Variants in CYP7B1 observed in about 807,000 individuals in gnomAD.
The protein encoded by CYP7B1 is cytochrome P450 family 7 subfamily B member 1.
Under a neutral mutation model 42.7 loss-of-function variants are expected in CYP7B1, and 29 were observed. That is an observed-to-expected ratio of 0.68 (90% CI 0.51 to 0.93). The LOEUF (loss-of-function observed/expected upper bound fraction) is 0.93, where lower values mean the gene tolerates loss of function less well. CYP7B1 is among the 40% of genes least tolerant of loss of function. The pLI is 0.00. For missense variants in CYP7B1, 655 were observed against 600.5 expected (o/e 1.09, Z -0.95); for synonymous variants, 235 against 218.2 (o/e 1.08, Z -0.68).
intron 1 of CYP7B1, among the ~76,000 whole-genome samples, chr8:64,686,062 G>T (rs1806632840): frequency 8.1e-6 from 1 of 124,084 alleles, no homozygotes. Context: ...GGGGGGGTCA[G>T]CCCCCCCACC....
chr8:64,678,842 T>G (rs1806491520), intron 1 of CYP7B1, among the ~76,000 whole-genome samples: 1 of 151,876 alleles, frequency 6.6e-6, no homozygotes, highest in Non-Finnish European at 1.5e-5. Context: ...TTGGAACTCT[T>G]GTGGAATTTG....
At chr8:64,733,720 C>G (rs1338382351) in intron 1 of CYP7B1, among the ~76,000 whole-genome samples, 1 of 152,152 alleles carries the variant, frequency 6.6e-6, no homozygotes, top group Non-Finnish European at 1.5e-5. Context: ...CTTGCAATCC[C>G]AGCTGCCTGG....
At position 64,794,926 on chromosome 8, in the gene CYP7B1, C is replaced by T. The variant is rs141540199; in HGVS notation, c.122+3540G>A. On this transcript the variant is annotated intron_variant, in intron 1 of 5. Coordinates refer to ENST00000310193, the MANE Select transcript of CYP7B1 (RefSeq NM_004820.5). ...AAATCCAAAATCCAGAAAGATAGTG[C>T]TTCCAATCAATAGACTGGCATTATT... 2.3e-3 allele frequency among the ~76,000 whole-genome samples: 351 copies of T among 152,220 alleles called. 4 individuals are homozygous for T. The highest frequency in any genetic ancestry group is 6.7e-3 in the Admixed American group (102 of 15,290).
Position 64,718,233 on chromosome 8 carries a change from C to T in CYP7B1, c.122+80233G>A, listed in dbSNP as rs775925379. ...ACTACCTCTTCGTTCATCATTAGCC[C>T]AAGAGTCAATGGTATTAACAACACA... On this transcript the variant is annotated intron_variant, in intron 1 of 5. Transcript: ENST00000310193. 3.6e-4 allele frequency among the ~76,000 whole-genome samples: 54 copies of T among 152,070 alleles called. No individual in the cohort carries two copies. The Middle Eastern group carries it at 0.01, about 29-fold the overall frequency.
chr8:64,649,616 A>G (rs759819565), intron 1 of CYP7B1, among the ~76,000 whole-genome samples: 39 of 152,032 alleles, frequency 2.6e-4, no homozygotes, highest in Admixed American at 3.3e-4. Context: ...ACTATTTTTA[A>G]TTTTTCAGCA....
At chr8:64,698,185 A>G (rs1806859322) in intron 1 of CYP7B1, among the ~76,000 whole-genome samples, 1 of 152,204 alleles carries the variant, frequency 6.6e-6, no homozygotes, top group Admixed American at 6.6e-5. Context: ...AGAGGTTGAG[A>G]AAGAATCCAT....
At chr8:64,752,662 G>A (rs1807746496) in intron 1 of CYP7B1, among the ~76,000 whole-genome samples, 1 of 152,140 alleles carries the variant, frequency 6.6e-6, no homozygotes, top group Non-Finnish European at 1.5e-5. Flanking sequence ...AGTATTTGAA[G>A]AGAAACTGCA....
intron 1 of CYP7B1, among the ~76,000 whole-genome samples, chr8:64,715,547 T>A (rs116210612): frequency 0.039 from 5,980 of 152,236 alleles, 393 homozygotes; most frequent in African/African-American, 0.14. Flanking sequence ...GGAAAGAACA[T>A]CCCATTTTGC....
intron 1 of CYP7B1, among the ~76,000 whole-genome samples, chr8:64,792,369 G>A (rs905444010): frequency 6.6e-6 from 1 of 152,092 alleles, no homozygotes; most frequent in African/African-American, 2.4e-5. Flanking sequence ...ACTAATATTA[G>A]GAGATTACTA....
intron 1 of CYP7B1, among the ~76,000 whole-genome samples, chr8:64,646,971 T>A (rs1411603807): frequency 6.6e-6 from 1 of 152,260 alleles, no homozygotes; most frequent in African/African-American, 2.4e-5. Flanking sequence ...TTTCAGTCTG[T>A]CTTGGCTTTC....
chr8:64,664,837 C>T (rs1360681697), intron 1 of CYP7B1, among the ~76,000 whole-genome samples: 2 of 151,996 alleles, frequency 1.3e-5, no homozygotes, highest in Non-Finnish European at 2.9e-5. Context: ...AGAAACATTG[C>T]GACAGAATAT....
chr8:64,656,035 G>C (rs1439114773), intron 1 of CYP7B1, among the ~76,000 whole-genome samples: 1 of 152,034 alleles, frequency 6.6e-6, no homozygotes, highest in Admixed American at 6.6e-5. Flanking sequence ...AGGAGGGAGA[G>C]GAGCAGAAAA....
intron 1 of CYP7B1, among the ~76,000 whole-genome samples, chr8:64,797,750 G>A (rs868570425): frequency 2.0e-4 from 30 of 152,240 alleles, no homozygotes; most frequent in African/African-American, 7.0e-4. Context: ...GAACACCAGA[G>A]CAGTATGAAA....
chr8:64,619,867 T>C (rs1371765258), intron 2 of CYP7B1, among the ~76,000 whole-genome samples: 1 of 152,142 alleles, frequency 6.6e-6, no homozygotes, highest in Non-Finnish European at 1.5e-5. Context: ...TTTGGTGCTA[T>C]ACAAAGATAT....
chr8:64,729,354 A>G (rs1210079868), intron 1 of CYP7B1, among the ~76,000 whole-genome samples: 1 of 152,180 alleles, frequency 6.6e-6, no homozygotes, highest in Non-Finnish European at 1.5e-5. Context: ...TCATGCACAC[A>G]CAATCTTACA....
At chr8:64,713,482 A>G (rs1163831583) in intron 1 of CYP7B1, among the ~76,000 whole-genome samples, 1 of 152,158 alleles carries the variant, frequency 6.6e-6, no homozygotes, top group East Asian at 1.9e-4. Context: ...CATTTGTTCA[A>G]GAATAGAGAA....
chr8:64,719,119 T>C (rs1807200553), intron 1 of CYP7B1, among the ~76,000 whole-genome samples: 1 of 152,124 alleles, frequency 6.6e-6, no homozygotes, highest in South Asian at 2.1e-4. Context: ...TTTAGAATAA[T>C]AAAAATTTGA....
At chr8:64,712,612 A>G (rs1268696451) in intron 1 of CYP7B1, among the ~76,000 whole-genome samples, 1 of 151,816 alleles carries the variant, frequency 6.6e-6, no homozygotes, top group African/African-American at 2.4e-5. Context: ...ATTTTTATAA[A>G]TGTGGATATA....
At chr8:64,617,674 TTGTGTCTG>T (rs949334682) in intron 2 of CYP7B1, among the ~76,000 whole-genome samples, 10 of 152,092 alleles carry the variant, frequency 6.6e-5, no homozygotes, top group South Asian at 2.1e-4. Context: ...TTATTCCTGT[TTGTGTCTG>T]TGTGTCTGTG....
Sources: gnomAD v4.1 joint callset for allele counts (sites outside exome capture counted in the v4.1 genomes callset) on GRCh38, gnomAD v4.1.1 for gene constraint, MANE v1.5 for transcripts, NCBI Gene and HGNC (gene_info 2026-07-23, HGNC 2026-07-21) for gene names.